CELF2: variants seen among roughly 807,000 people sequenced by gnomAD.
The protein encoded by CELF2 is CUGBP Elav-like family member 2.
CELF2 carries 8 observed loss-of-function variants against 62.6 expected under a neutral mutation model. The ratio of observed to expected loss-of-function variants is 0.13; its 90% CI spans 0.07 to 0.23. The LOEUF is 0.23. CELF2 is among the 10% of genes least tolerant of loss of function. CELF2 has a pLI of 1.00. For synonymous variants in CELF2, 258 were observed against 250.0 expected, an observed-to-expected ratio of 1.03 and a Z score of -0.30; for missense variants, 333 against 671.0, an observed-to-expected ratio of 0.50 and a Z score of 5.56.
intron 3 of CELF2, among the ~76,000 whole-genome samples, chr10:11,235,467 G>A (rs1313180215): frequency 6.6e-6 from 1 of 152,120 alleles, no homozygotes; most frequent in African/African-American, 2.4e-5. Context: ...TAGAACAATT[G>A]AACCTTAGTC....
intron 3 of CELF2, among the ~76,000 whole-genome samples, chr10:11,236,806 G>T (rs1001301622): frequency 2.0e-5 from 3 of 152,224 alleles, no homozygotes; most frequent in African/African-American, 7.2e-5. Flanking sequence ...AAATACGTGT[G>T]TACGTGCATG....
At chr10:11,262,963 T>G (rs2081159015) in intron 5 of CELF2, among the ~76,000 whole-genome samples, 1 of 128,726 alleles carries the variant, frequency 7.8e-6, no homozygotes, top group Non-Finnish European at 1.6e-5. Context: ...TTTTTTTTTT[T>G]TTTTGGTGCA....
At chr10:11,196,692 T>G (rs1368499279) in intron 2 of CELF2, among the ~76,000 whole-genome samples, 1 of 151,142 alleles carries the variant, frequency 6.6e-6, no homozygotes, top group African/African-American at 2.4e-5. Flanking sequence ...GCGCAGTGGC[T>G]CACACCTGTA....
chr10:10,516,031 G>A, the CELF2 span, among the ~76,000 whole-genome samples: 1 of 152,104 alleles, frequency 6.6e-6, no homozygotes, highest in African/African-American at 2.4e-5. Context: ...CTACAACCAT[G>A]GAAAGCAGAT....
the CELF2 span, among the ~76,000 whole-genome samples, chr10:10,669,430 A>G: frequency 6.6e-6 from 1 of 152,248 alleles, no homozygotes; most frequent in Non-Finnish European, 1.5e-5. Flanking sequence ...AGGTGACATT[A>G]CAGAACTGGA....
intron 2 of CELF2, among the ~76,000 whole-genome samples, chr10:10,944,947 A>G (rs114125774): frequency 6.0e-4 from 92 of 152,266 alleles, no homozygotes; most frequent in African/African-American, 2.2e-3. Flanking sequence ...CTAAATGCAT[A>G]GAAGGCATCA....
At chr10:10,684,374 G>A in the CELF2 span, among the ~76,000 whole-genome samples, 1 of 152,314 alleles carries the variant, frequency 6.6e-6, no homozygotes, top group Admixed American at 6.5e-5. Context: ...AGACATTTGA[G>A]CAATGACTGT....
the CELF2 span, among the ~76,000 whole-genome samples, chr10:10,517,127 TTACTC>T: frequency 6.6e-6 from 1 of 152,204 alleles, no homozygotes; most frequent in Non-Finnish European, 1.5e-5. Flanking sequence ...TATTATTACT[TTACTC>T]TATGCAATTT....
chr10:10,686,172 A>G, the CELF2 span, among the ~76,000 whole-genome samples: 15 of 152,032 alleles, frequency 9.9e-5, no homozygotes, highest in Non-Finnish European at 1.6e-4. Flanking sequence ...TAAAATTGGG[A>G]GAGTGTTGAT....
chr10:10,930,844 C>G (rs1182374374), intron 2 of CELF2, among the ~76,000 whole-genome samples: 1 of 152,038 alleles, frequency 6.6e-6, no homozygotes, highest in African/African-American at 2.4e-5. Context: ...TACTTAATAA[C>G]TTTTGTAGTA....
chr10:10,507,558 A>G, the CELF2 span, among the ~76,000 whole-genome samples: 3 of 152,200 alleles, frequency 2.0e-5, no homozygotes, highest in Non-Finnish European at 4.4e-5. Flanking sequence ...AGGGATTAGC[A>G]TGATCCCACT....
chr10:10,487,358 T>A, the CELF2 span, among the ~76,000 whole-genome samples: 171 of 152,006 alleles, frequency 1.1e-3, no homozygotes, highest in African/African-American at 4.1e-3. Flanking sequence ...TTCCCTCTCT[T>A]AAGTTACATC....
Position 11,237,396 on chromosome 10 carries a change from T to C in CELF2, c.355-11757T>C, listed in dbSNP as rs574199360. On this transcript the variant is annotated intron_variant, in intron 3 of 12. Coordinates refer to ENST00000633077, the MANE Select transcript of CELF2 (RefSeq NM_001326342.2). This position sits in a 1 kb window ranked among gnomAD's most constrained non-coding sequence, Gnocchi z 4.0. ...TGTGGGGTACCCAGATTCAGGTCAT[T>C]TCCTATGGGGTGAGGCAGGAGTGTG... Among the ~76,000 whole-genome samples the C allele has an allele frequency of 3.0e-4, 46 of 152,202 alleles. No homozygotes were observed. Among genetic ancestry groups the C allele is most frequent in the Admixed American group, 1.7e-3 (26 of 15,300 alleles).
the CELF2 span, among the ~76,000 whole-genome samples, chr10:10,614,604 A>G: frequency 1.1e-3 from 169 of 152,272 alleles, 2 homozygotes; most frequent in African/African-American, 3.9e-3. Context: ...GCAAGAGAGA[A>G]TTGATGGAGT....
At chr10:10,903,329 A>C (rs997311602) in intron 1 of CELF2, among the ~76,000 whole-genome samples, 22 of 152,364 alleles carry the variant, frequency 1.4e-4, no homozygotes, top group Admixed American at 8.5e-4. Flanking sequence ...ATGGCTATAC[A>C]TACAACTCAG....
chr10:11,074,295 C>T (rs1020622962), intron 1 of CELF2, among the ~76,000 whole-genome samples: 2 of 152,086 alleles, frequency 1.3e-5, no homozygotes, highest in African/African-American at 4.8e-5. Flanking sequence ...AAAATATATT[C>T]GTAAAGATTG....
chr10:10,887,917 A>G (rs2133837865), intron 1 of CELF2, among the ~76,000 whole-genome samples: 1 of 152,240 alleles, frequency 6.6e-6, no homozygotes, highest in East Asian at 1.9e-4. Flanking sequence ...AATTACTGGC[A>G]TACGCCACCA....
At chr10:10,774,472 C>A in the CELF2 span, among the ~76,000 whole-genome samples, 1 of 152,164 alleles carries the variant, frequency 6.6e-6, no homozygotes, top group Non-Finnish European at 1.5e-5. Context: ...TTAGCACCAT[C>A]GCTTTGGTGC....
chr10:11,281,411 G>A (rs1458058612), intron 8 of CELF2, among the ~76,000 whole-genome samples: 12 of 152,158 alleles, frequency 7.9e-5, no homozygotes, highest in Admixed American at 7.9e-4. Flanking sequence ...GAAGCAGCTA[G>A]AGCCAGTGGT....
Sources: gnomAD v4.1 joint callset for allele counts (sites outside exome capture counted in the v4.1 genomes callset) on GRCh38, gnomAD v4.1.1 for gene constraint, Gnocchi (gnomAD v3.1) non-coding constraint, MANE v1.5 for transcripts, NCBI Gene and HGNC (gene_info 2026-07-23, HGNC 2026-07-21) for gene names.